Variants in RAD51B observed in about 807,000 individuals in gnomAD.
The protein encoded by RAD51B is RAD51 paralog B, also known as DNA repair protein RAD51 homolog 2.
Under a neutral mutation model 42.2 loss-of-function variants are expected in RAD51B, and 38 were observed. That is an observed-to-expected ratio of 0.90 (90% CI 0.70 to 1.18). The LOEUF (loss-of-function observed/expected upper bound fraction) is 1.18. Among genes scored for constraint, RAD51B ranks in the 50% most tolerant of loss-of-function variants. The probability of loss-of-function intolerance (pLI) is 0.00; values close to 1 mark genes in which losing one functional copy is unlikely to be tolerated. For missense variants in RAD51B, 373 were observed against 400.7 expected (o/e 0.93, Z 0.59); for synonymous variants, 154 against 145.2 (o/e 1.06, Z -0.43).
At chr14:68,449,218 A>G (rs1301923031) in intron 9 of RAD51B, among the ~76,000 whole-genome samples, 1 of 152,228 alleles carries the variant, frequency 6.6e-6, no homozygotes, top group Non-Finnish European at 1.5e-5. Context: ...ATTATTTTTA[A>G]AAAACAACAA....
intron 7 of RAD51B, among the ~76,000 whole-genome samples, chr14:67,942,931 T>C (rs1595143351): frequency 6.6e-6 from 1 of 152,262 alleles, no homozygotes; most frequent in East Asian, 1.9e-4. Flanking sequence ...TTATGCATGC[T>C]CCTTTCTTGG....
chr14:67,844,909 C>A (rs2041560007), intron 4 of RAD51B, among the ~76,000 whole-genome samples: 1 of 151,998 alleles, frequency 6.6e-6, no homozygotes, highest in Non-Finnish European at 1.5e-5. Context: ...TCGGCTTTGT[C>A]TGTTATAATA....
chr14:68,287,634 T>C (rs1332689361), intron 7 of RAD51B, among the ~76,000 whole-genome samples: 1 of 152,158 alleles, frequency 6.6e-6, no homozygotes, highest in Non-Finnish European at 1.5e-5. Flanking sequence ...TTTAGGGAAA[T>C]AGCAAAAATA....
intron 10 of RAD51B, among the ~76,000 whole-genome samples, chr14:68,590,086 C>G (rs2140075422): frequency 6.6e-6 from 1 of 152,328 alleles, no homozygotes; most frequent in Non-Finnish European, 1.5e-5. Flanking sequence ...TCTGCCTAGC[C>G]TCACACAGGT....
intron 10 of RAD51B, among the ~76,000 whole-genome samples, chr14:68,561,485 CACTT>C (rs907526321): frequency 1.3e-5 from 2 of 152,110 alleles, no homozygotes; most frequent in African/African-American, 4.8e-5. Context: ...CCGCTGGGGA[CACTT>C]AGGCGAGGTG....
chr14:68,651,460 C>T (rs951782083), intron 11 of RAD51B, among the ~76,000 whole-genome samples: 6 of 152,170 alleles, frequency 3.9e-5, no homozygotes, highest in Admixed American at 2.6e-4. Flanking sequence ...CCAGCATGCC[C>T]GGCCACATGT....
chr14:68,187,315 A>G (rs1023845412), intron 7 of RAD51B, among the ~76,000 whole-genome samples: 1 of 152,188 alleles, frequency 6.6e-6, no homozygotes, highest in Non-Finnish European at 1.5e-5. Flanking sequence ...ATCACACTAT[A>G]TATCCAGGTA....
intron 7 of RAD51B, among the ~76,000 whole-genome samples, chr14:67,960,146 C>T (rs2074634126): frequency 6.6e-6 from 1 of 150,948 alleles, no homozygotes; most frequent in Non-Finnish European, 1.5e-5. Context: ...AATATGCAAA[C>T]ATAACGTTCT....
At chr14:68,015,142 A>C (rs2075755729) in intron 7 of RAD51B, among the ~76,000 whole-genome samples, 1 of 152,222 alleles carries the variant, frequency 6.6e-6, no homozygotes, top group Non-Finnish European at 1.5e-5. Flanking sequence ...AATGGCATCT[A>C]CTTCATGGTG....
chr14:68,126,025 ATGGGCACTC>A (rs999850143), intron 7 of RAD51B, among the ~76,000 whole-genome samples: 1 of 152,204 alleles, frequency 6.6e-6, no homozygotes, highest in African/African-American at 2.4e-5. Flanking sequence ...CTTATGTTAG[ATGGGCACTC>A]TCATTAATCC....
chr14:68,151,706 T>A (rs1275937056), intron 7 of RAD51B, among the ~76,000 whole-genome samples: 2 of 152,022 alleles, frequency 1.3e-5, no homozygotes, highest in Non-Finnish European at 1.5e-5. Flanking sequence ...AATCTACCAT[T>A]AATTCTATCC....
rs116871941 is a variant in RAD51B, at chr14:68,117,315, A to C, written c.757-174569A>C. 4.7e-3 allele frequency among the ~76,000 whole-genome samples: 717 copies of C among 152,328 alleles called. 4 individuals carry two copies. Among genetic ancestry groups the C allele is most frequent in the Non-Finnish European group, 8.0e-3 (542 of 68,034 alleles). On this transcript the variant is annotated intron_variant, in intron 7 of 10. Coordinates refer to ENST00000471583, the MANE Select transcript of RAD51B (RefSeq NM_133510.4). ...ATCTCAACTTAATAGCTGAAGGATA[A>C]GATCCTGGGTTATAAATTCTCCATT...
At chr14:68,315,601 A>G (rs527496969) in intron 8 of RAD51B, among the ~76,000 whole-genome samples, 10 of 152,104 alleles carry the variant, frequency 6.6e-5, no homozygotes, top group Admixed American at 4.6e-4. Flanking sequence ...TGCTCACTGC[A>G]AGCTCCACCT....
At chr14:67,959,517 G>T (rs1566978818) in intron 7 of RAD51B, among the ~76,000 whole-genome samples, 1 of 152,082 alleles carries the variant, frequency 6.6e-6, no homozygotes, top group Non-Finnish European at 1.5e-5. Flanking sequence ...AAAGTGCTGG[G>T]ATTACAGGCA....
chr14:68,241,983 G>A (rs1322906239), intron 7 of RAD51B, among the ~76,000 whole-genome samples: 1 of 152,192 alleles, frequency 6.6e-6, no homozygotes, highest in African/African-American at 2.4e-5. Flanking sequence ...TGTTGACCCT[G>A]TATACAGCTG....
At chr14:68,595,422 TG>T (rs1254227501) in exon 11 of RAD51B, 3 of 1,066,462 alleles carry the variant, frequency 2.8e-6, no homozygotes, top group Non-Finnish European at 3.4e-6. Flanking sequence ...TGAGTATAAC[TG>T]TCTTTTTACA....
chr14:68,590,889 C>A (rs1243506659), intron 10 of RAD51B, among the ~76,000 whole-genome samples: 1 of 152,176 alleles, frequency 6.6e-6, no homozygotes, highest in Admixed American at 6.5e-5. Context: ...CTCTTTAACA[C>A]CCTCACCATG....
intron 7 of RAD51B, among the ~76,000 whole-genome samples, chr14:68,282,205 A>G (rs1430359431): frequency 6.6e-6 from 1 of 150,698 alleles, no homozygotes; most frequent in East Asian, 2.0e-4. Context: ...CTGGTCTTGA[A>G]CTCCTGATCT....
Position 68,040,686 on chromosome 14 carries a change from C to T in RAD51B, c.756+153482C>T, listed in dbSNP as rs533017431. Among the ~76,000 whole-genome samples, 3 of 152,262 alleles carry T rather than the reference C, an allele frequency of 2.0e-5. No homozygotes were observed. In the East Asian group the frequency reaches 5.8e-4, roughly 29 times the overall value. On this transcript the variant is annotated intron_variant, in intron 7 of 10. Coordinates refer to ENST00000471583, the MANE Select transcript of RAD51B (RefSeq NM_133510.4). ...AAGACACCAAAAAATCAGAGAAGTT[C>T]AACAACTTGTCCAGGTCATGAGGCA... is the stretch of plus-strand genomic sequence containing the variant.
Sources: allele counts gnomAD v4.1 joint callset (sites outside exome capture counted in the v4.1 genomes callset), GRCh38; gene constraint gnomAD v4.1.1; transcripts MANE v1.5; gene names NCBI Gene and HGNC (gene_info 2026-07-23, HGNC 2026-07-21).